C12orf75: variants seen among roughly 807,000 people sequenced by gnomAD.
The protein encoded by C12orf75 is overexpressed in colon carcinoma 1 protein.
In C12orf75, 4 loss-of-function variants were observed where a neutral mutation model predicts 11.4. The ratio of observed to expected loss-of-function variants is 0.35; its 90% CI spans 0.17 to 0.80. C12orf75 has a LOEUF of 0.80. Among genes scored for constraint, C12orf75 ranks in the 30% least tolerant of loss-of-function variants. C12orf75 has a pLI of 0.52. For synonymous variants in C12orf75, 30 were observed against 30.0 expected (o/e 1.00, Z 0.00); for missense variants, 89 against 80.4 (o/e 1.11, Z -0.41).
intron 1 of C12orf75, among the ~76,000 whole-genome samples, chr12:105,344,745 CAA>C (rs35185869): frequency 4.0e-4 from 41 of 102,532 alleles, no homozygotes; most frequent in Middle Eastern, 5.7e-3. Flanking sequence ...GACTCTGTGT[CAA>C]AAAAAAAAAA....
chr12:105,353,627 C>T (rs752232544), intron 2 of C12orf75: 8 of 152,150 alleles, frequency 5.3e-5, no homozygotes, highest in Admixed American at 1.3e-4. Context: ...TAATTGAAAG[C>T]ATTTTTTTTT....
intron 1 of C12orf75, 79 bp downstream of exon 1, chr12:105,331,016 G>T: frequency 1.1e-6 from 1 of 910,048 alleles, no homozygotes; most frequent in South Asian, 5.5e-5. Context: ...GATCTTGGGT[G>T]GGGGGCGCGC....
rs1892542742 is a variant in C12orf75, at chr12:105,339,710, G to A, written c.46+8773G>A. ...CCGCTCACTGCAAGCTCCGCCTGCC[G>A]GGTTCATGCCTTTTTCCCGCCTCAG... On this transcript the variant is annotated intron_variant, in intron 1 of 5. Coordinates refer to ENST00000443585, the MANE Select transcript of C12orf75 (RefSeq NM_001145199.2). Among the ~76,000 whole-genome samples, 6 of 152,004 alleles carry A rather than the reference G, an allele frequency of 3.9e-5. No homozygotes were observed. In the South Asian group the frequency reaches 1.2e-3, roughly 32 times the overall value.
At chr12:105,345,175 A>T (rs1479788937) in intron 1 of C12orf75, among the ~76,000 whole-genome samples, 2 of 152,128 alleles carry the variant, frequency 1.3e-5, no homozygotes, top group Non-Finnish European at 2.9e-5. Flanking sequence ...GCAGTAAGAT[A>T]CCAACATGAC....
intron 1 of C12orf75, among the ~76,000 whole-genome samples, chr12:105,331,591 A>AACACACACACACACACACACAC (rs71440581): frequency 6.7e-6 from 1 of 149,176 alleles, no homozygotes; most frequent in African/African-American, 2.5e-5. Context: ...CTTTTCATTA[A>AACACACACACACACACACACAC]ACACACACAC....
chr12:105,330,749 G>C lies in C12orf75; in HGVS notation c.-143G>C. The C allele has an allele frequency of 1.2e-6, 1 of 815,570 alleles. No individual in the cohort carries two copies. The highest frequency in any genetic ancestry group is 4.8e-5 in the Admixed American group (1 of 21,030). The allele number at this position is 815,570 out of a possible 1,614,324, so 50.5% of individuals were successfully genotyped here. ...CCCGGGCCGCGTCTCCCGGCGGTGG[G>C]AGGGGGCGGCCCCCACTCGGTTCCT... On this transcript the variant is annotated 5_prime_UTR_variant, in exon 1 of 6. Coordinates refer to ENST00000443585, the MANE Select transcript of C12orf75 (RefSeq NM_001145199.2).
chr12:105,360,782 CT>C (rs567109155), intron 2 of C12orf75, among the ~76,000 whole-genome samples: 4 of 151,228 alleles, frequency 2.6e-5, no homozygotes, highest in African/African-American at 9.7e-5. Context: ...CATCTTAGAT[CT>C]TTTTTTTTGT....
intron 1 of C12orf75, among the ~76,000 whole-genome samples, chr12:105,334,436 T>C (rs1201366275): frequency 6.6e-6 from 1 of 152,222 alleles, no homozygotes; most frequent in Non-Finnish European, 1.5e-5. Flanking sequence ...GAAGTCCTCC[T>C]GGAGGAGTTG....
intron 1 of C12orf75, among the ~76,000 whole-genome samples, chr12:105,342,783 T>C (rs1449719365): frequency 1.3e-5 from 2 of 152,248 alleles, no homozygotes; most frequent in Non-Finnish European, 2.9e-5. Context: ...CCAGGGGTTT[T>C]AGGAGCTCTG....
chr12:105,338,515 T>G (rs1326634337), intron 1 of C12orf75, among the ~76,000 whole-genome samples: 1 of 152,150 alleles, frequency 6.6e-6, no homozygotes, highest in Non-Finnish European at 1.5e-5. Flanking sequence ...CTGCTTGTCT[T>G]AGTTCATTTT....
chr12:105,344,562 G>T (rs1446750085), intron 1 of C12orf75, among the ~76,000 whole-genome samples: 1 of 152,162 alleles, frequency 6.6e-6, no homozygotes, highest in Non-Finnish European at 1.5e-5. Context: ...GGCCAACATG[G>T]AGAAACCCTG....
intron 4 of C12orf75, 150 bp downstream of exon 4, chr12:105,366,846 A>C (rs1871494540): frequency 4.0e-6 from 2 of 498,328 alleles, no homozygotes; most frequent in Non-Finnish European, 7.1e-6. Context: ...CATTGCAGTC[A>C]TTGGTTGAAA....
At chr12:105,345,592 C>G (rs1486480793) in intron 1 of C12orf75, among the ~76,000 whole-genome samples, 1 of 148,372 alleles carries the variant, frequency 6.7e-6, no homozygotes, top group Admixed American at 6.8e-5. Context: ...GGGGGGAAAT[C>G]TGTATTCTGT....
chr12:105,336,652 A>G (rs1406496353), intron 1 of C12orf75, among the ~76,000 whole-genome samples: 1 of 152,124 alleles, frequency 6.6e-6, no homozygotes, highest in Non-Finnish European at 1.5e-5. Context: ...TGAGGGGTAG[A>G]AGCGTTGAGG....
intron 1 of C12orf75, among the ~76,000 whole-genome samples, chr12:105,337,569 G>T (rs1241295169): frequency 6.6e-6 from 1 of 152,122 alleles, no homozygotes; most frequent in African/African-American, 2.4e-5. Context: ...CAGTTCCCAG[G>T]AAAGGGTTGG....
intron 2 of C12orf75, among the ~76,000 whole-genome samples, chr12:105,359,081 C>G (rs1160665431): frequency 6.6e-6 from 1 of 152,144 alleles, no homozygotes; most frequent in Non-Finnish European, 1.5e-5. Context: ...TCCCTTGATC[C>G]CTTGGTAATT....
chr12:105,344,190 A>C (rs1443933354), intron 1 of C12orf75, among the ~76,000 whole-genome samples: 2 of 152,072 alleles, frequency 1.3e-5, no homozygotes, highest in Non-Finnish European at 2.9e-5. Context: ...CTCATTTCTC[A>C]TTTCACACAC....
At chr12:105,335,765 G>A (rs529888810) in intron 1 of C12orf75, among the ~76,000 whole-genome samples, 2 of 152,334 alleles carry the variant, frequency 1.3e-5, no homozygotes, top group South Asian at 2.1e-4. Context: ...CACAAATGGA[G>A]GCCTCATGAA....
At chr12:105,340,695 A>T (rs1228172398) in intron 1 of C12orf75, among the ~76,000 whole-genome samples, 1 of 152,152 alleles carries the variant, frequency 6.6e-6, no homozygotes, top group Non-Finnish European at 1.5e-5. Context: ...AGTGAATGCA[A>T]CCTTATTTGG....
Sources: gnomAD v4.1 joint callset for allele counts (sites outside exome capture counted in the v4.1 genomes callset) on GRCh38, gnomAD v4.1.1 for gene constraint, MANE v1.5 for transcripts, NCBI Gene and HGNC (gene_info 2026-07-23, HGNC 2026-07-21) for gene names.